The following RTN4 variants were observed in gnomAD, a reference collection of about 807,000 sequenced individuals.
The protein encoded by RTN4 is reticulon-4.
RTN4 carries 32 observed loss-of-function variants against 90.4 expected under a neutral mutation model. That is an observed-to-expected ratio of 0.35 (90% confidence interval 0.27 to 0.48). RTN4 has a LOEUF of 0.48. Among genes scored for constraint, RTN4 ranks in the 20% least tolerant of loss-of-function variants. The pLI is 0.99. For synonymous variants in RTN4, 629 were observed against 552.5 expected, an observed-to-expected ratio of 1.14 and a Z score of -1.94; for missense variants, 1,706 against 1,430.2, an observed-to-expected ratio of 1.19 and a Z score of -3.11.
At chr2:54,983,583 T>C (rs1394182826) in intron 4 of RTN4, among the ~76,000 whole-genome samples, 2 of 152,320 alleles carry the variant, frequency 1.3e-5, no homozygotes, top group South Asian at 2.1e-4. Context: ...GTTTTACCTC[T>C]GCAACATGCC....
chr2:55,136,995 C>T, the RTN4 span, among the ~76,000 whole-genome samples: 2 of 152,220 alleles, frequency 1.3e-5, no homozygotes, highest in Admixed American at 6.5e-5. Flanking sequence ...GGCAGTCCTG[C>T]GGAGGAGAGA....
chr2:55,063,514 A>C (rs1428122260), intron 2 of RTN4, among the ~76,000 whole-genome samples: 1 of 150,720 alleles, frequency 6.6e-6, no homozygotes, highest in Non-Finnish European at 1.5e-5. Context: ...AGCAGGCCAT[A>C]GTAATGAGTT....
chr2:55,066,189 G>GTT (rs1553449512), intron 2 of RTN4, among the ~76,000 whole-genome samples: 21 of 65,976 alleles, frequency 3.2e-4, no homozygotes, highest in Admixed American at 2.6e-3. Flanking sequence ...GTGTGTGTGT[G>GTT]TGTTTGTGTG....
intron 3 of RTN4, among the ~76,000 whole-genome samples, chr2:55,001,967 ATTATG>A (rs1257686582): frequency 6.6e-6 from 1 of 152,176 alleles, no homozygotes; most frequent in Non-Finnish European, 1.5e-5. Context: ...TATAAACTAA[ATTATG>A]TTAAGAATGA....
At chr2:55,049,560 G>T in intron 1 of RTN4, 185 bp downstream of exon 1, 1 of 950,200 alleles carries the variant, frequency 1.1e-6, no homozygotes, top group Non-Finnish European at 1.6e-6. Flanking sequence ...GAACAAACCC[G>T]GGCTCCAAGG....
At chr2:55,105,344 C>T (rs1667926290) in intron 1 of RTN4, among the ~76,000 whole-genome samples, 3 of 151,464 alleles carry the variant, frequency 2.0e-5, no homozygotes, top group Admixed American at 1.3e-4. Flanking sequence ...GTTCTCCTGC[C>T]TCAGCCTCCT....
At position 55,078,035 on chromosome 2, in the gene RTN4, G is replaced by A. The variant is rs117504560; in HGVS notation, c.-63+2454C>T. On this transcript the variant is annotated intron_variant, in intron 2 of 3. Coordinates refer to the RTN4 transcript ENST00000427710. ...ACTCAGGGGATTCAGGGGAAAGGGT[G>A]GGAGGGGGATGAGGGATAAAAGACT... Among the ~76,000 whole-genome samples, 90 of 152,112 alleles carry A rather than the reference G, an allele frequency of 5.9e-4. No individual in the cohort carries two copies. The East Asian group carries it at 0.016, about 28-fold the overall frequency.
intron 3 of RTN4, among the ~76,000 whole-genome samples, chr2:55,005,039 A>C (rs1001277770): frequency 6.6e-6 from 1 of 152,156 alleles, no homozygotes; most frequent in Non-Finnish European, 1.5e-5. Flanking sequence ...AAGGCAAAGA[A>C]CAGGTATGTT....
chr2:55,110,908 G>A (rs1481682636), intron 1 of RTN4, among the ~76,000 whole-genome samples: 2 of 152,240 alleles, frequency 1.3e-5, no homozygotes, highest in Middle Eastern at 3.4e-3. Context: ...GGGCGTGGTG[G>A]CACATGCCTG....
chr2:55,008,664 TG>T (rs35013301), intron 3 of RTN4, among the ~76,000 whole-genome samples: 1 of 152,128 alleles, frequency 6.6e-6, no homozygotes, highest in Non-Finnish European at 1.5e-5. Flanking sequence ...TGAACTACAT[TG>T]GAACTTAATT....
At chr2:55,038,439 G>A (rs1206914170) in intron 1 of RTN4, among the ~76,000 whole-genome samples, 1 of 151,888 alleles carries the variant, frequency 6.6e-6, no homozygotes, top group Non-Finnish European at 1.5e-5. Context: ...AAAAAAAAAG[G>A]CATACAACAC....
At chr2:55,099,460 T>G (rs918656507) in intron 1 of RTN4, among the ~76,000 whole-genome samples, 3 of 152,070 alleles carry the variant, frequency 2.0e-5, no homozygotes, top group Admixed American at 6.6e-5. Context: ...ACTACCTATA[T>G]GACAAAGTGC....
At chr2:55,120,851 T>A in the RTN4 span, among the ~76,000 whole-genome samples, 3 of 152,036 alleles carry the variant, frequency 2.0e-5, no homozygotes, top group South Asian at 6.3e-4. Flanking sequence ...AAAGCTCGGG[T>A]CTCCGGCTTA....
At chr2:55,022,533 C>T (rs1681516360) in intron 3 of RTN4, among the ~76,000 whole-genome samples, 1 of 152,166 alleles carries the variant, frequency 6.6e-6, no homozygotes, top group Non-Finnish European at 1.5e-5. Context: ...TCAGTACCCT[C>T]TGCTCACCAA....
chr2:55,000,465 A>C (rs1295170895), intron 3 of RTN4, among the ~76,000 whole-genome samples: 1 of 152,202 alleles, frequency 6.6e-6, no homozygotes. Flanking sequence ...ACTTTACATG[A>C]CAAACAAATA....
intron 1 of RTN4, among the ~76,000 whole-genome samples, chr2:55,093,996 T>C (rs1668988241): frequency 6.6e-6 from 1 of 152,192 alleles, no homozygotes; most frequent in Non-Finnish European, 1.5e-5. Flanking sequence ...ATCACTAATA[T>C]CCTACACTAA....
intron 1 of RTN4, among the ~76,000 whole-genome samples, chr2:55,108,806 T>C (rs1456406978): frequency 5.3e-5 from 8 of 152,116 alleles, no homozygotes; most frequent in Non-Finnish European, 1.0e-4. Context: ...AGCCTAATCA[T>C]AGGCCAATTT....
intron 6 of RTN4, 170 bp from the exon 7 acceptor site, chr2:54,974,037 GGAAT>G: frequency 1.7e-6 from 1 of 576,124 alleles, no homozygotes; most frequent in African/African-American, 1.9e-5. Context: ...CCACTCCAGA[GGAAT>G]GAATGAACTG....
upstream of RTN4, among the ~76,000 whole-genome samples, chr2:55,112,842 G>A (rs1193268379): frequency 2.0e-5 from 3 of 152,216 alleles, no homozygotes; most frequent in African/African-American, 7.2e-5. Flanking sequence ...TGGCTTCCTT[G>A]TTTTATTTCT....
Sources: gnomAD v4.1 joint callset for allele counts (sites outside exome capture counted in the v4.1 genomes callset) on GRCh38, gnomAD v4.1.1 for gene constraint, MANE v1.5 for transcripts, NCBI Gene and HGNC (gene_info 2026-07-23, HGNC 2026-07-21) for gene names.